Variants in RBMS3 observed in about 807,000 individuals in gnomAD.
The protein encoded by RBMS3 is RNA binding motif single stranded interacting protein 3, also known as RNA-binding motif, single-stranded-interacting protein 3.
In RBMS3, 27 loss-of-function variants were observed where a neutral mutation model predicts 66.8. That is an observed-to-expected ratio of 0.40 (90% CI 0.30 to 0.56). The LOEUF (loss-of-function observed/expected upper bound fraction) is 0.56. RBMS3 is among the 20% of genes least tolerant of loss of function. The pLI, the probability that RBMS3 is intolerant of heterozygous loss-of-function variation, is 0.40. For missense variants in RBMS3, 513 were observed against 549.5 expected (o/e 0.93, Z 0.66); for synonymous variants, 188 against 183.0 (o/e 1.03, Z -0.22).
intron 6 of RBMS3, among the ~76,000 whole-genome samples, chr3:29,795,280 A>T (rs993382136): frequency 8.5e-5 from 13 of 152,248 alleles, no homozygotes; most frequent in African/African-American, 2.9e-4. Context: ...AGTGGAAGCC[A>T]GTAACCCTGG....
chr3:29,837,378 T>A (rs1430747521), intron 6 of RBMS3, among the ~76,000 whole-genome samples: 3 of 151,838 alleles, frequency 2.0e-5, no homozygotes, highest in African/African-American at 4.8e-5. Context: ...ATTTCTTTGC[T>A]TTTCTTCACA....
At chr3:29,705,400 A>C (rs1387770486) in intron 4 of RBMS3, among the ~76,000 whole-genome samples, 1 of 152,206 alleles carries the variant, frequency 6.6e-6, no homozygotes, top group Non-Finnish European at 1.5e-5. Flanking sequence ...AAAGAATCAC[A>C]TGTTATAGAA....
At chr3:29,667,600 AAT>A (rs1354802696) in intron 4 of RBMS3, among the ~76,000 whole-genome samples, 2 of 152,198 alleles carry the variant, frequency 1.3e-5, no homozygotes, top group African/African-American at 4.8e-5. Flanking sequence ...TAAGATGCAA[AAT>A]ATATGTTTCC....
At chr3:30,002,578 T>C (rs941142813) in intron 14 of RBMS3, among the ~76,000 whole-genome samples, 1 of 152,044 alleles carries the variant, frequency 6.6e-6, no homozygotes, top group Non-Finnish European at 1.5e-5. Flanking sequence ...TGTATGAAAA[T>C]TGTAATTGCT....
At chr3:29,796,498 C>T (rs962637288) in intron 6 of RBMS3, among the ~76,000 whole-genome samples, 1 of 152,054 alleles carries the variant, frequency 6.6e-6, no homozygotes, top group South Asian at 2.1e-4. Context: ...CAAGATCTAT[C>T]AGAGGAATCA....
chr3:29,685,082 G>A (rs945900601), intron 4 of RBMS3, among the ~76,000 whole-genome samples: 5 of 151,680 alleles, frequency 3.3e-5, no homozygotes, highest in Admixed American at 6.6e-5. Flanking sequence ...GTTTTGAGAC[G>A]GAGTCTTGCT....
chr3:29,366,072 G>A (rs1192965097), intron 1 of RBMS3, among the ~76,000 whole-genome samples: 1 of 152,136 alleles, frequency 6.6e-6, no homozygotes, highest in Non-Finnish European at 1.5e-5. Context: ...CCAACTTTAA[G>A]CTTTAAAAAT....
At chr3:29,561,036 C>T (rs258944) in intron 3 of RBMS3, among the ~76,000 whole-genome samples, 5,456 of 152,270 alleles carry the variant, frequency 0.036, 154 homozygotes, top group Middle Eastern at 0.14. Context: ...TAATGGCCTC[C>T]AGCGTCATCC....
chr3:29,303,749 A>G (rs1034367217), intron 1 of RBMS3, among the ~76,000 whole-genome samples: 6 of 152,028 alleles, frequency 3.9e-5, no homozygotes, highest in African/African-American at 1.4e-4. Flanking sequence ...GGGAATAGAG[A>G]AACTCTTTTC....
intron 3 of RBMS3, among the ~76,000 whole-genome samples, chr3:29,539,193 C>T (rs2045675244): frequency 6.6e-6 from 1 of 152,074 alleles, no homozygotes; most frequent in Admixed American, 6.6e-5. Context: ...TAAGCATCTA[C>T]CCTTTTGGAA....
intron 6 of RBMS3, among the ~76,000 whole-genome samples, chr3:29,852,348 A>C (rs1414302593): frequency 6.6e-6 from 1 of 152,226 alleles, no homozygotes; most frequent in African/African-American, 2.4e-5. Context: ...CTGCCCAGCA[A>C]AAGAGACAAT....
chr3:29,861,331 A>AT (rs2059211662), intron 6 of RBMS3, among the ~76,000 whole-genome samples: 1 of 151,804 alleles, frequency 6.6e-6, no homozygotes, highest in Non-Finnish European at 1.5e-5. Context: ...TCCCACTCTT[A>AT]TTTTTTCCTG....
intron 2 of RBMS3, among the ~76,000 whole-genome samples, chr3:29,483,479 A>G (rs1382139798): frequency 1.3e-5 from 2 of 152,114 alleles, no homozygotes; most frequent in African/African-American, 4.8e-5. Flanking sequence ...TTAGAAATGC[A>G]AACTCTCCAG....
chr3:29,360,296 C>T (rs1028742842), intron 1 of RBMS3, among the ~76,000 whole-genome samples: 11 of 151,862 alleles, frequency 7.2e-5, no homozygotes, highest in African/African-American at 1.2e-4. Flanking sequence ...GCCTTCATTT[C>T]GTTATGTACC....
intron 12 of RBMS3, among the ~76,000 whole-genome samples, chr3:29,950,600 A>G (rs985657530): frequency 1.3e-5 from 2 of 151,842 alleles, no homozygotes; most frequent in Admixed American, 6.6e-5. Flanking sequence ...TTCTGGAGAG[A>G]TACTGCCTAA....
chr3:29,384,708 G>A (rs977692906), intron 1 of RBMS3, among the ~76,000 whole-genome samples: 1 of 152,186 alleles, frequency 6.6e-6, no homozygotes, highest in South Asian at 2.1e-4. Context: ...TCTGAGAAGA[G>A]ACATGACTGT....
chr3:29,324,092 A>G (rs2125497782), intron 1 of RBMS3, among the ~76,000 whole-genome samples: 1 of 152,186 alleles, frequency 6.6e-6, no homozygotes, highest in African/African-American at 2.4e-5. Context: ...GGACTTTATT[A>G]AAAGGACAAA....
intron 4 of RBMS3, among the ~76,000 whole-genome samples, chr3:29,671,388 C>G (rs2149246205): frequency 6.6e-6 from 1 of 152,354 alleles, no homozygotes. Context: ...CAAACGAACA[C>G]AGCTCCTCGC....
intron 4 of RBMS3, among the ~76,000 whole-genome samples, chr3:29,663,217 C>A (rs181675013): frequency 8.5e-5 from 13 of 152,190 alleles, no homozygotes; most frequent in Non-Finnish European, 1.8e-4. Context: ...AGTTTTAAAT[C>A]ATCTTCATGA....
Sources: allele counts gnomAD v4.1 joint callset (sites outside exome capture counted in the v4.1 genomes callset), GRCh38; gene constraint gnomAD v4.1.1; transcripts MANE v1.5; gene names NCBI Gene and HGNC (gene_info 2026-07-23, HGNC 2026-07-21).